SAP30: variants seen among roughly 807,000 people sequenced by gnomAD.
SAP30 encodes Sin3A associated protein 30.
In SAP30, 13 loss-of-function variants were observed where a neutral mutation model predicts 19.6. The observed-to-expected ratio is 0.66, with a 90% CI of 0.43 to 1.05. The LOEUF (loss-of-function observed/expected upper bound fraction) is 1.05, where lower values mean the gene tolerates loss of function less well. Among genes scored for constraint, SAP30 ranks in the 50% least tolerant of loss-of-function variants. The pLI is 0.00. For synonymous variants in SAP30, 108 were observed against 122.7 expected (o/e 0.88, Z 0.79); for missense variants, 257 against 292.1 (o/e 0.88, Z 0.88).
At chr4:173,377,144 G>A (rs567326204) in intron 3 of SAP30, 61 bp from the exon 4 acceptor site, 41 of 1,270,420 alleles carry the variant, frequency 3.2e-5, no homozygotes, top group South Asian at 1.4e-4. Context: ...TATTTTTTAC[G>A]TAGTTTATGA....
At position 173,371,797 on chromosome 4, in the gene SAP30, C is replaced by T. The variant is rs535430532; in HGVS notation, c.315+300C>T. Among the ~76,000 whole-genome samples the T allele has an allele frequency of 6.6e-6, 1 of 152,196 alleles. No homozygotes were observed. The highest frequency in any genetic ancestry group is 1.9e-4 in the East Asian group (1 of 5,152). ...TTCCTTCTCCTCTGCGACCGGGACACGAAACAAAGGGGACCGGCGCACTGA... is the reference window on the plus strand; with the variant it reads ...TTCCTTCTCCTCTGCGACCGGGACATGAAACAAAGGGGACCGGCGCACTGA... On this transcript the variant is annotated intron_variant, in intron 1 of 3. Transcript: ENST00000296504. The surrounding 1 kb of genome is among the most constrained non-coding windows in gnomAD (Gnocchi z 6.4).
Position 173,377,187 on chromosome 4 carries a change from T to C in SAP30, c.541-18T>C. ...TATATCTAAAATTTAATTTCCTTAA[T>C]TTTTCTTTTCTTTGTAGATAGTTGG... is the stretch of plus-strand genomic sequence containing the variant. On this transcript the variant is annotated intron_variant, in intron 3 of 3. Coordinates refer to ENST00000296504, the MANE Select transcript of SAP30 (RefSeq NM_003864.4). 1.3e-6 allele frequency: 2 copies of C among 1,544,444 alleles called. No individual in the cohort carries two copies. The highest frequency in any genetic ancestry group is 1.7e-6 in the Non-Finnish European group (2 of 1,148,144).
At chr4:173,372,533 A>C (rs1380892309) in intron 1 of SAP30, among the ~76,000 whole-genome samples, 1 of 152,220 alleles carries the variant, frequency 6.6e-6, no homozygotes. Flanking sequence ...TATTCAGAAA[A>C]ATGTATAACT....
intron 1 of SAP30, among the ~76,000 whole-genome samples, chr4:173,373,019 A>G (rs1738970659): frequency 6.6e-6 from 1 of 152,148 alleles, no homozygotes; most frequent in South Asian, 2.1e-4. Context: ...CCTGAGCTCA[A>G]GTGATCCACC....
intron 3 of SAP30, among the ~76,000 whole-genome samples, chr4:173,375,100 T>C (rs1739012863): frequency 6.6e-6 from 1 of 151,128 alleles, no homozygotes; most frequent in South Asian, 2.1e-4. Context: ...TGATTAAGCC[T>C]AGGAGTTTGA....
At chr4:173,372,735 T>G in intron 1 of SAP30, among the ~76,000 whole-genome samples, 1 of 152,148 alleles carries the variant, frequency 6.6e-6, no homozygotes, top group East Asian at 1.9e-4. Context: ...TTTCCCCTCA[T>G]CAGTTAAAAA....
chr4:173,371,548 A>C lies in SAP30; in HGVS notation c.315+51A>C. On this transcript the variant is annotated intron_variant, in intron 1 of 3. Transcript: ENST00000296504. This position sits in a 1 kb window ranked among gnomAD's most constrained non-coding sequence, Gnocchi z 6.4. ...CCCTCCCGCCCCTCGGTGGGGCCCC[A>C]GGAGCCGGGCAAAGGCACGGGTTGT... 6.5e-7 allele frequency: 1 copy of C among 1,549,876 alleles called. No homozygotes were observed. Among genetic ancestry groups the C allele is most frequent in the Non-Finnish European group, 8.7e-7 (1 of 1,150,092 alleles).
intron 1 of SAP30, 50 bp from the exon 2 acceptor site, chr4:173,373,340 G>A (rs752132100): frequency 1.3e-6 from 2 of 1,521,248 alleles, no homozygotes; most frequent in Non-Finnish European, 1.8e-6. Context: ...CTAATACATA[G>A]ACACATTTTA....
rs549709584 is a variant in SAP30 at position 173,377,376 on chromosome 4, T to C, written c.*49T>C. The C allele has an allele frequency of 2.0e-6, 3 of 1,530,378 alleles. No homozygotes were observed. Among genetic ancestry groups the C allele is most frequent in the Non-Finnish European group, 2.6e-6 (3 of 1,138,652 alleles). The allele number at this position is 1,530,378 out of a possible 1,614,324, so 94.8% of individuals were successfully genotyped here. On this transcript the variant is annotated 3_prime_UTR_variant, in exon 4 of 4. Coordinates refer to ENST00000296504, the MANE Select transcript of SAP30 (RefSeq NM_003864.4). ...ACTTGGATGTTAACACTGTTTACTGTTTTTTCACATGTAGAAATGTTCTTT... is the reference window on the plus strand; with the variant it reads ...ACTTGGATGTTAACACTGTTTACTGCTTTTTCACATGTAGAAATGTTCTTT...
intron 1 of SAP30, among the ~76,000 whole-genome samples, chr4:173,372,689 G>T (rs1042519827): frequency 3.9e-5 from 6 of 152,168 alleles, no homozygotes; most frequent in African/African-American, 1.4e-4. Context: ...AGTAGAGAAA[G>T]TACTGTCAAG....
At chr4:173,374,687 AAATT>A (rs1338222438) in intron 3 of SAP30, among the ~76,000 whole-genome samples, 2 of 152,172 alleles carry the variant, frequency 1.3e-5, no homozygotes, top group African/African-American at 4.8e-5. Flanking sequence ...AGGCATAATA[AAATT>A]AATTAACAAG....
chr4:173,376,537 T>A (rs1739044101), intron 3 of SAP30, among the ~76,000 whole-genome samples: 1 of 152,306 alleles, frequency 6.6e-6, no homozygotes, highest in Non-Finnish European at 1.5e-5. Context: ...CTTACGTCTG[T>A]TTTATCTCAT....
intron 3 of SAP30, 76 bp from the exon 4 acceptor site, chr4:173,377,129 A>C (rs1366873548): frequency 4.4e-6 from 5 of 1,126,006 alleles, no homozygotes; most frequent in Non-Finnish European, 6.2e-6. Flanking sequence ...CTTTTGATGA[A>C]ACCGTATTTT....
intron 3 of SAP30, among the ~76,000 whole-genome samples, chr4:173,375,864 G>A (rs930426970): frequency 6.6e-6 from 1 of 152,180 alleles, no homozygotes; most frequent in Non-Finnish European, 1.5e-5. Flanking sequence ...CCTGAGCTCC[G>A]CCTCCTGTCA....
At chr4:173,374,302 A>C (rs1219651164) in intron 3 of SAP30, among the ~76,000 whole-genome samples, 1 of 152,118 alleles carries the variant, frequency 6.6e-6, no homozygotes, top group African/African-American at 2.4e-5. Flanking sequence ...TTGAGACAGA[A>C]TCTCACTCTG....
intron 1 of SAP30, 102 bp from the exon 2 acceptor site, chr4:173,373,288 C>T: frequency 9.7e-7 from 1 of 1,033,242 alleles, no homozygotes; most frequent in South Asian, 2.2e-5. Flanking sequence ...CCCATCTTGG[C>T]TGTCTTTATT....
rs1399776076 is a variant in SAP30, at chr4:173,371,652, G to A, written c.315+155G>A. ...GTGTTTGGAAGCAAATAACAAAGTC[G>A]CTGCAACTCCTACCGCCACCCCAAC... On this transcript the variant is annotated intron_variant, in intron 1 of 3. Transcript: ENST00000296504. This position sits in a 1 kb window ranked among gnomAD's most constrained non-coding sequence, Gnocchi z 6.4. 1.3e-5 allele frequency among the ~76,000 whole-genome samples: 2 copies of A among 151,976 alleles called. No homozygotes were observed. The highest frequency in any genetic ancestry group is 1.3e-4 in the Admixed American group (2 of 15,278).
In SAP30 at chr4:173,376,914, G is replaced by A. The variant is rs182406960; in HGVS notation, c.541-291G>A. 1.8e-3 allele frequency among the ~76,000 whole-genome samples: 277 copies of A among 152,056 alleles called. 1 individual carries two copies. Among genetic ancestry groups the A allele is most frequent in the African/African-American group, 6.4e-3 (265 of 41,476 alleles). On this transcript the variant is annotated intron_variant, in intron 3 of 3. Transcript: ENST00000296504. The stretch of plus-strand genomic sequence containing the variant: ...TGGGATTACAGGCATGAGCCACCAC[G>A]CCTGGCCCAATTATAAAATTTAAAA...
chr4:173,371,443 G>A lies in SAP30; in HGVS notation c.261G>A (p.Lys87=). The A allele has an allele frequency of 6.3e-7, 1 of 1,593,122 alleles. No homozygotes were observed. The highest frequency in any genetic ancestry group is 8.5e-7 in the Non-Finnish European group (1 of 1,176,608). The change falls in exon 1 of 4, where the codon AAG becomes AAA. Residue 87 remains lysine, a synonymous_variant. Coordinates refer to ENST00000296504, the MANE Select transcript of SAP30 (RefSeq NM_003864.4). This position sits in a 1 kb window ranked among gnomAD's most constrained non-coding sequence, Gnocchi z 6.4. ...GRAAGNASFS[K]RIQKSISQKK... Reference sequence around the variant, plus strand: ...CGGCAGGCAACGCCAGCTTCAGCAAGAGGATCCAGAAGAGCATCTCCCAGA... The same window carrying A: ...CGGCAGGCAACGCCAGCTTCAGCAAAAGGATCCAGAAGAGCATCTCCCAGA...
Sources: allele counts gnomAD v4.1 joint callset (sites outside exome capture counted in the v4.1 genomes callset), GRCh38; gene constraint gnomAD v4.1.1; non-coding constraint Gnocchi (gnomAD v3.1); transcripts MANE v1.5; gene names NCBI Gene and HGNC (gene_info 2026-07-23, HGNC 2026-07-21).